CDYL: variants seen among roughly 807,000 people sequenced by gnomAD.
The protein encoded by CDYL is chromodomain Y-like protein.
A neutral mutation model predicts 47.3 loss-of-function variants in CDYL; 8 were observed. The observed-to-expected ratio is 0.17, with a 90% CI of 0.10 to 0.31. The LOEUF (loss-of-function observed/expected upper bound fraction) is 0.31, where lower values mean the gene tolerates loss of function less well. Ranked by LOEUF, CDYL falls within the 10% of genes least tolerant of loss-of-function variation. The pLI, the probability that CDYL is intolerant of heterozygous loss-of-function variation, is 1.00. For synonymous variants in CDYL, 266 were observed against 265.0 expected (o/e 1.00, Z -0.04); for missense variants, 471 against 701.4 (o/e 0.67, Z 3.71).
intron 5 of CDYL, among the ~76,000 whole-genome samples, chr6:4,944,447 C>G (rs1326980791): frequency 6.6e-6 from 1 of 152,216 alleles, no homozygotes; most frequent in Non-Finnish European, 1.5e-5. Context: ...GCGTTGCACC[C>G]TGGACGAGGT....
intron 3 of CDYL, among the ~76,000 whole-genome samples, chr6:4,739,865 A>G (rs1283613603): frequency 1.3e-5 from 2 of 151,974 alleles, no homozygotes; most frequent in African/African-American, 4.8e-5. Flanking sequence ...AGACAGGAGA[A>G]TCGCTAGAAC....
At chr6:4,735,763 T>A (rs1219158052) in intron 3 of CDYL, among the ~76,000 whole-genome samples, 1 of 151,120 alleles carries the variant, frequency 6.6e-6, no homozygotes, top group Non-Finnish European at 1.5e-5. Flanking sequence ...CGAAACTCCA[T>A]CTCAAAAAAA....
chr6:4,927,742 G>A (rs147357790), intron 2 of CDYL, among the ~76,000 whole-genome samples: 1 of 152,232 alleles, frequency 6.6e-6, no homozygotes, highest in African/African-American at 2.4e-5. Context: ...TTTTACATCT[G>A]TTTTATGCTT....
chr6:4,711,079 G>A (rs1311854419), intron 1 of CDYL, among the ~76,000 whole-genome samples: 5 of 152,008 alleles, frequency 3.3e-5, no homozygotes, highest in Non-Finnish European at 5.9e-5. Flanking sequence ...CCTTCGAGTC[G>A]GCACAAAATC....
intron 1 of CDYL, among the ~76,000 whole-genome samples, chr6:4,803,432 C>T (rs1759281470): frequency 6.6e-6 from 1 of 152,208 alleles, no homozygotes. Context: ...TGTCCCCATT[C>T]TCCTCCATCT....
chr6:4,895,020 T>C (rs189307337), intron 2 of CDYL, among the ~76,000 whole-genome samples: 1 of 151,532 alleles, frequency 6.6e-6, no homozygotes, highest in Non-Finnish European at 1.5e-5. Flanking sequence ...TACATATATG[T>C]ATGTATGTGT....
At chr6:4,834,464 C>G (rs1333847164) in intron 1 of CDYL, among the ~76,000 whole-genome samples, 2 of 150,092 alleles carry the variant, frequency 1.3e-5, no homozygotes, top group Non-Finnish European at 3.0e-5. Flanking sequence ...GATGGGCTTC[C>G]CTTTGTGGGT....
At chr6:4,822,614 G>A (rs1231207882) in intron 1 of CDYL, among the ~76,000 whole-genome samples, 1 of 152,138 alleles carries the variant, frequency 6.6e-6, no homozygotes, top group Non-Finnish European at 1.5e-5. Flanking sequence ...CCATTCTCTG[G>A]AATCTATCTG....
At chr6:4,934,795 C>G (rs1758137580) in intron 2 of CDYL, among the ~76,000 whole-genome samples, 1 of 152,186 alleles carries the variant, frequency 6.6e-6, no homozygotes, top group South Asian at 2.1e-4. Context: ...GACCCCATCT[C>G]AAGACCCTGG....
intron 1 of CDYL, among the ~76,000 whole-genome samples, chr6:4,785,667 A>G (rs1470634481): frequency 6.6e-6 from 1 of 152,246 alleles, no homozygotes; most frequent in Non-Finnish European, 1.5e-5. Context: ...AAAAAAAGTC[A>G]TCTTAGTTTG....
intron 3 of CDYL, among the ~76,000 whole-genome samples, chr6:4,765,560 T>C (rs1193522861): frequency 6.6e-6 from 1 of 151,486 alleles, no homozygotes; most frequent in African/African-American, 2.4e-5. Context: ...TCATCTTTTT[T>C]GTTTCCCGTT....
chr6:4,839,200 G>C (rs1314023685), intron 1 of CDYL, among the ~76,000 whole-genome samples: 1 of 152,052 alleles, frequency 6.6e-6, no homozygotes, highest in South Asian at 2.1e-4. Context: ...TTTCATGTTT[G>C]TTGGCCATTT....
chr6:4,872,041 A>G (rs572805743), intron 1 of CDYL, among the ~76,000 whole-genome samples: 34 of 152,286 alleles, frequency 2.2e-4, no homozygotes, highest in African/African-American at 7.7e-4. Flanking sequence ...CATTGGTCTC[A>G]GTATGTGTGC....
chr6:4,953,871 T>A (rs764428423), intron 6 of CDYL, 27 bp from the exon 7 acceptor site: 2 of 1,607,652 alleles, frequency 1.2e-6, no homozygotes, highest in Non-Finnish European at 1.7e-6. Context: ...TGCACCCTGC[T>A]AACTGGCTGC....
At chr6:4,938,234 T>G (rs1307439238) in intron 4 of CDYL, among the ~76,000 whole-genome samples, 38 of 63,892 alleles carry the variant, frequency 5.9e-4, no homozygotes, top group Admixed American at 1.9e-3. Flanking sequence ...TTTTTTGTTG[T>G]TTTTTTTTTT....
At chr6:4,778,463 A>C (rs1411800779) in intron 1 of CDYL, among the ~76,000 whole-genome samples, 2 of 152,206 alleles carry the variant, frequency 1.3e-5, no homozygotes, top group African/African-American at 4.8e-5. Flanking sequence ...TTCTGTTCCT[A>C]ACAGAAGTTA....
chr6:4,740,256 G>A (rs1377900645), intron 3 of CDYL, among the ~76,000 whole-genome samples: 4 of 152,198 alleles, frequency 2.6e-5, no homozygotes, highest in African/African-American at 9.7e-5. Flanking sequence ...CAGGCTCTGT[G>A]TATCACAGAA....
chr6:4,769,850 G>A (rs7746925), intron 3 of CDYL, among the ~76,000 whole-genome samples: 12,270 of 152,204 alleles, frequency 0.081, 1,397 homozygotes, highest in African/African-American at 0.25. Context: ...AGGCTGGAGT[G>A]CAGTGGCGCG....
chr6:4,925,409 CTTT>C (rs58457972), intron 2 of CDYL, among the ~76,000 whole-genome samples: 5,343 of 109,196 alleles, frequency 0.049, 116 homozygotes, highest in African/African-American at 0.11. Flanking sequence ...ATTCTTTTTT[CTTT>C]TTTTTTTTTT....
Sources: allele counts gnomAD v4.1 joint callset (sites outside exome capture counted in the v4.1 genomes callset), GRCh38; gene constraint gnomAD v4.1.1; transcripts MANE v1.5; gene names NCBI Gene and HGNC (gene_info 2026-07-23, HGNC 2026-07-21).